The following WT1 variants were observed in gnomAD, a reference collection of about 807,000 sequenced individuals.
WT1 encodes WT1 transcription factor, also known as Wilms tumor protein.
Under a neutral mutation model 60.8 loss-of-function variants are expected in WT1, and 8 were observed. The observed-to-expected ratio is 0.13, with a 90% CI of 0.08 to 0.24. The LOEUF is 0.24. WT1 is among the 10% of genes least tolerant of loss of function. The pLI is 1.00. For missense variants in WT1, 568 were observed against 711.8 expected, an observed-to-expected ratio of 0.80 and a Z score of 2.30; for synonymous variants, 312 against 297.1, an observed-to-expected ratio of 1.05 and a Z score of -0.52.
intron 5 of WT1, among the ~76,000 whole-genome samples, chr11:32,404,972 C>T (rs950199797): frequency 6.6e-5 from 10 of 152,156 alleles, no homozygotes; most frequent in African/African-American, 1.9e-4. Context: ...CTCAACTCTT[C>T]GGTCACCTCT....
At chr11:32,414,158 G>C (rs1852590419) in intron 5 of WT1, among the ~76,000 whole-genome samples, 1 of 152,210 alleles carries the variant, frequency 6.6e-6, no homozygotes, top group Admixed American at 6.5e-5. Flanking sequence ...TGTAATTTTT[G>C]CTCTGCAAAA....
intron 1 of WT1, among the ~76,000 whole-genome samples, chr11:32,432,145 T>C (rs1853333615): frequency 1.3e-5 from 2 of 152,258 alleles, no homozygotes; most frequent in South Asian, 4.1e-4. Context: ...ATTTAAAATA[T>C]GAACATGCTT....
intron 1 of WT1, chr11:32,430,941 G>T: frequency 1.1e-6 from 1 of 875,040 alleles, no homozygotes; most frequent in Non-Finnish European, 1.4e-6. Context: ...GCCAGGGGAG[G>T]TAAAGCTGCC....
intron 1 of WT1, among the ~76,000 whole-genome samples, chr11:32,431,663 A>G (rs1436915809): frequency 3.3e-5 from 5 of 151,658 alleles, no homozygotes; most frequent in East Asian, 1.9e-4. Flanking sequence ...GGCTGGTCTC[A>G]AACTCCTGAC....
chr11:32,416,246 A>G (rs1852664482), intron 5 of WT1, among the ~76,000 whole-genome samples: 3 of 152,294 alleles, frequency 2.0e-5, no homozygotes, highest in Non-Finnish European at 1.5e-5. Flanking sequence ...AGAAATGAAC[A>G]GGATGCTGCA....
intron 5 of WT1, among the ~76,000 whole-genome samples, chr11:32,415,177 G>A (rs1237581509): frequency 6.6e-6 from 1 of 152,176 alleles, no homozygotes; most frequent in African/African-American, 2.4e-5. Flanking sequence ...CTGTATTACA[G>A]CATGAAGAAG....
At chr11:32,427,880 C>A (rs1159108383) in intron 3 of WT1, 76 bp downstream of exon 3, 3 of 1,426,462 alleles carry the variant, frequency 2.1e-6, no homozygotes, top group African/African-American at 2.8e-5. Context: ...CCGGCTGGGG[C>A]GTTCCCAAGT....
At chr11:32,430,455 G>GGAGGGAGAGAGA (rs1554945663) in intron 1 of WT1, 6 of 898,572 alleles carry the variant, frequency 6.7e-6, no homozygotes, top group African/African-American at 5.4e-5. Context: ...AGAGAGGGAG[G>GGAGGGAGAGAGA]GAGAGAGAGA....
At chr11:32,434,641 A>T in intron 1 of WT1, 59 bp downstream of exon 1, 10 of 1,610,658 alleles carry the variant, frequency 6.2e-6, no homozygotes, top group Non-Finnish European at 8.5e-6. Flanking sequence ...GGTGTCCTAG[A>T]GCGGAGAGTC....
At chr11:32,422,012 T>C (rs138398037) in intron 3 of WT1, among the ~76,000 whole-genome samples, 1 of 152,358 alleles carries the variant, frequency 6.6e-6, no homozygotes, top group Non-Finnish European at 1.5e-5. Context: ...AATTCATGTT[T>C]CCAGCTTTTT....
intron 5 of WT1, chr11:32,400,682 C>T (rs2132962960): frequency 6.0e-6 from 1 of 167,820 alleles, no homozygotes; most frequent in Non-Finnish European, 1.3e-5. Flanking sequence ...GGTTAAGCTT[C>T]GACTACATAG....
intron 5 of WT1, among the ~76,000 whole-genome samples, chr11:32,404,141 G>C (rs376913668): frequency 6.6e-6 from 1 of 151,654 alleles, no homozygotes; most frequent in Non-Finnish European, 1.5e-5. Flanking sequence ...ATGGTGGCAC[G>C]TGCCTCTAAT....
At chr11:32,431,898 GA>G (rs915898466) in intron 1 of WT1, among the ~76,000 whole-genome samples, 3 of 152,068 alleles carry the variant, frequency 2.0e-5, no homozygotes, top group African/African-American at 7.2e-5. Context: ...AAAAGGAGTA[GA>G]AACACCCTAG....
chr11:32,404,185 G>A (rs909706315), intron 5 of WT1, among the ~76,000 whole-genome samples: 1 of 148,452 alleles, frequency 6.7e-6, no homozygotes, highest in Non-Finnish European at 1.5e-5. Flanking sequence ...CAGGAGAATC[G>A]CTTGAACCCG....
At chr11:32,414,910 A>C (rs1852617560) in intron 5 of WT1, among the ~76,000 whole-genome samples, 2 of 152,070 alleles carry the variant, frequency 1.3e-5, no homozygotes, top group Admixed American at 6.6e-5. Flanking sequence ...TTTATTTCAG[A>C]AATCCTTTCT....
At chr11:32,431,631 C>G (rs1218061065) in intron 1 of WT1, among the ~76,000 whole-genome samples, 1 of 151,482 alleles carries the variant, frequency 6.6e-6, no homozygotes, top group Non-Finnish European at 1.5e-5. Context: ...TCAGTAGAGA[C>G]AGGGTTTCAC....
intron 1 of WT1, among the ~76,000 whole-genome samples, chr11:32,429,966 AC>A (rs1332679671): frequency 9.7e-6 from 1 of 103,150 alleles, no homozygotes; most frequent in Non-Finnish European, 1.9e-5. Context: ...ACACACCACC[AC>A]CCCCCGCCCA....
At chr11:32,429,470 C>G (rs969797158) in intron 1 of WT1, among the ~76,000 whole-genome samples, 7 of 148,256 alleles carry the variant, frequency 4.7e-5, no homozygotes, top group Non-Finnish European at 1.1e-4. Context: ...ATTCCCCCCC[C>G]CCCCCAAAGT....
At chr11:32,430,952 G>T (rs1853287345) in intron 1 of WT1, 3 of 763,876 alleles carry the variant, frequency 3.9e-6, no homozygotes, top group Non-Finnish European at 5.0e-6. Context: ...TAAAGCTGCC[G>T]GCTGGAAGGA....
Sources: allele counts gnomAD v4.1 joint callset (sites outside exome capture counted in the v4.1 genomes callset), GRCh38; gene constraint gnomAD v4.1.1; transcripts MANE v1.5; gene names NCBI Gene and HGNC (gene_info 2026-07-23, HGNC 2026-07-21).